RAB31: variants seen among roughly 807,000 people sequenced by gnomAD.
RAB31 encodes the protein ras-related protein Rab-31.
RAB31 carries 21 observed loss-of-function variants against 25.6 expected under a neutral mutation model. That is an observed-to-expected ratio of 0.82 (90% CI 0.58 to 1.18). The LOEUF (loss-of-function observed/expected upper bound fraction) is 1.18, where lower values mean the gene tolerates loss of function less well. RAB31 is among the 50% of genes most tolerant of loss of function. The probability of loss-of-function intolerance (pLI) is 0.00; values close to 1 mark genes in which losing one functional copy is unlikely to be tolerated. For synonymous variants in RAB31, 87 were observed against 84.0 expected (o/e 1.04, Z -0.20); for missense variants, 196 against 250.1 (o/e 0.78, Z 1.46).
intron 6 of RAB31, among the ~76,000 whole-genome samples, chr18:9,858,305 GT>G (rs1406065617): frequency 6.6e-6 from 1 of 152,216 alleles, no homozygotes; most frequent in Non-Finnish European, 1.5e-5. Context: ...TGAGGATGGT[GT>G]TTGTGAAAAT....
intron 1 of RAB31, among the ~76,000 whole-genome samples, chr18:9,720,792 G>C (rs1354263441): frequency 6.6e-6 from 1 of 151,810 alleles, no homozygotes; most frequent in Admixed American, 6.6e-5. Flanking sequence ...TTGACAGGGC[G>C]AGATCCATTT....
intron 1 of RAB31, among the ~76,000 whole-genome samples, chr18:9,722,162 G>A (rs2068076663): frequency 6.6e-6 from 1 of 152,156 alleles, no homozygotes; most frequent in African/African-American, 2.4e-5. Flanking sequence ...GCTGGTGTAG[G>A]AACTTTGGCA....
intron 4 of RAB31, among the ~76,000 whole-genome samples, chr18:9,814,491 G>A (rs961276057): frequency 2.4e-4 from 37 of 152,140 alleles, no homozygotes; most frequent in African/African-American, 7.5e-4. Flanking sequence ...GTATATATAA[G>A]TATATTTTTA....
intron 3 of RAB31, among the ~76,000 whole-genome samples, 176 bp from the exon 4 acceptor site, chr18:9,813,844 C>A (rs1012283187): frequency 4.0e-5 from 6 of 151,754 alleles, no homozygotes; most frequent in Admixed American, 2.6e-4. Context: ...AAGAGTGAAA[C>A]TCCATCTCAA....
chr18:9,812,082 G>A (rs535375716), intron 3 of RAB31, among the ~76,000 whole-genome samples: 1 of 152,306 alleles, frequency 6.6e-6, no homozygotes, highest in South Asian at 2.1e-4. Flanking sequence ...TAGGGGCAGG[G>A]CAGGGAGAGA....
intron 3 of RAB31, among the ~76,000 whole-genome samples, chr18:9,796,699 T>C (rs1478929058): frequency 2.6e-5 from 4 of 152,150 alleles, no homozygotes; most frequent in Admixed American, 2.6e-4. Context: ...GATTATAGCT[T>C]TACCCACTTT....
At chr18:9,767,870 G>A (rs948332579) in intron 1 of RAB31, among the ~76,000 whole-genome samples, 8 of 151,366 alleles carry the variant, frequency 5.3e-5, no homozygotes, top group Non-Finnish European at 1.2e-4. Context: ...CCCTCCCCTA[G>A]CCCCCTGCCC....
intron 1 of RAB31, among the ~76,000 whole-genome samples, chr18:9,771,109 T>C (rs893549808): frequency 6.6e-6 from 1 of 152,132 alleles, no homozygotes; most frequent in Non-Finnish European, 1.5e-5. Flanking sequence ...AGTTCGAGGC[T>C]GCAGTGAGCT....
At chr18:9,799,001 T>C (rs2068500778) in intron 3 of RAB31, among the ~76,000 whole-genome samples, 3 of 152,136 alleles carry the variant, frequency 2.0e-5, no homozygotes, top group South Asian at 4.1e-4. Context: ...AGAGAATCGC[T>C]TGAACCCAGA....
chr18:9,745,805 C>T (rs2068202515), intron 1 of RAB31, among the ~76,000 whole-genome samples: 1 of 152,132 alleles, frequency 6.6e-6, no homozygotes, highest in Non-Finnish European at 1.5e-5. Flanking sequence ...GTGAAAAACC[C>T]ACAGCTAGCA....
chr18:9,802,683 C>T (rs534746664), intron 3 of RAB31, among the ~76,000 whole-genome samples: 1 of 152,314 alleles, frequency 6.6e-6, no homozygotes, highest in Admixed American at 6.5e-5. Context: ...AAGTGACTGC[C>T]AGTCTGCATG....
chr18:9,797,771 C>T (rs1052157505), intron 3 of RAB31, among the ~76,000 whole-genome samples: 1 of 152,148 alleles, frequency 6.6e-6, no homozygotes, highest in Non-Finnish European at 1.5e-5. Flanking sequence ...GATTGTGATT[C>T]TTTATAACCT....
chr18:9,850,146 C>T (rs995405465), intron 6 of RAB31, among the ~76,000 whole-genome samples: 1 of 152,106 alleles, frequency 6.6e-6, no homozygotes, highest in Non-Finnish European at 1.5e-5. Flanking sequence ...AGGAAGACAG[C>T]GTTACCAAGA....
At chr18:9,729,664 TC>T (rs2068112750) in intron 1 of RAB31, among the ~76,000 whole-genome samples, 1 of 99,074 alleles carries the variant, frequency 1.0e-5, no homozygotes, top group African/African-American at 3.9e-5. Context: ...CCCACCCCCC[TC>T]TAAATGCCTA....
intron 3 of RAB31, among the ~76,000 whole-genome samples, chr18:9,808,410 C>A (rs963843658): frequency 3.9e-5 from 6 of 152,208 alleles, no homozygotes; most frequent in Non-Finnish European, 8.8e-5. Flanking sequence ...TTCAACTCTG[C>A]ATACACTCGG....
chr18:9,813,972 A>G (rs375715645), intron 3 of RAB31, 48 bp from the exon 4 acceptor site: 2 of 1,320,114 alleles, frequency 1.5e-6, no homozygotes, highest in Non-Finnish European at 2.1e-6. Context: ...TTGGGATTGA[A>G]TAAAGTCTGT....
chr18:9,805,285 A>T (rs1376911429), intron 3 of RAB31, among the ~76,000 whole-genome samples: 50 of 150,654 alleles, frequency 3.3e-4, no homozygotes, highest in African/African-American at 1.2e-3. Context: ...AAAAAGATTA[A>T]AAAAAAAAAA....
At chr18:9,728,691 C>T (rs112263598) in intron 1 of RAB31, among the ~76,000 whole-genome samples, 6,185 of 152,132 alleles carry the variant, frequency 0.041, 163 homozygotes, top group Middle Eastern at 0.095. Context: ...GTGTTTGCCA[C>T]CACACCTGGC....
intron 6 of RAB31, among the ~76,000 whole-genome samples, chr18:9,857,686 T>TACATGATA (rs1555693032): frequency 8.8e-6 from 1 of 114,088 alleles, no homozygotes; most frequent in Non-Finnish European, 1.9e-5. Flanking sequence ...GATAGATAGA[T>TACATGATA]GATAGATAGA....
Sources: allele counts gnomAD v4.1 joint callset (sites outside exome capture counted in the v4.1 genomes callset), GRCh38; gene constraint gnomAD v4.1.1; transcripts MANE v1.5; gene names NCBI Gene and HGNC (gene_info 2026-07-23, HGNC 2026-07-21).